Variants in RBM46 observed in about 807,000 individuals in gnomAD.
RBM46 encodes RNA binding motif protein 46.
A neutral mutation model predicts 43.3 loss-of-function variants in RBM46; 12 were observed. That is an observed-to-expected ratio of 0.28 (90% confidence interval 0.18 to 0.45). The LOEUF is 0.45. Among genes scored for constraint, RBM46 ranks in the 20% least tolerant of loss-of-function variants. The probability of loss-of-function intolerance (pLI) is 1.00; values close to 1 mark genes in which losing one functional copy is unlikely to be tolerated. For synonymous variants in RBM46, 205 were observed against 207.6 expected, an observed-to-expected ratio of 0.99 and a Z score of 0.11; for missense variants, 412 against 639.1, an observed-to-expected ratio of 0.64 and a Z score of 3.83.
intron 4 of RBM46, among the ~76,000 whole-genome samples, chr4:154,813,184 A>G (rs1485290733): frequency 6.6e-6 from 1 of 152,176 alleles, no homozygotes; most frequent in African/African-American, 2.4e-5. Context: ...GAGCAGAAAG[A>G]AGAAAGGATT....
intron 1 of RBM46, among the ~76,000 whole-genome samples, chr4:154,784,438 T>C (rs1733659110): frequency 6.6e-6 from 1 of 152,240 alleles, no homozygotes; most frequent in African/African-American, 2.4e-5. Flanking sequence ...AAAGGAGATA[T>C]AGTTAGCACT....
chr4:154,820,921 A>G (rs1735692159), intron 4 of RBM46, among the ~76,000 whole-genome samples: 2 of 151,778 alleles, frequency 1.3e-5, no homozygotes, highest in South Asian at 2.1e-4. Flanking sequence ...ATTACCTCAC[A>G]AAGTCTTTTT....
intron 4 of RBM46, among the ~76,000 whole-genome samples, chr4:154,803,337 T>C (rs1368703699): frequency 1.3e-5 from 2 of 152,038 alleles, no homozygotes; most frequent in Non-Finnish European, 2.9e-5. Context: ...TTAGAGACTA[T>C]CTTCATCTTC....
chr4:154,802,306 T>A (rs1734675230), intron 4 of RBM46, among the ~76,000 whole-genome samples: 1 of 152,146 alleles, frequency 6.6e-6, no homozygotes, highest in African/African-American at 2.4e-5. Flanking sequence ...GAAACTTTGA[T>A]CAGAAAACAA....
intron 4 of RBM46, among the ~76,000 whole-genome samples, chr4:154,819,891 T>C (rs1355289938): frequency 6.6e-6 from 1 of 152,058 alleles, no homozygotes; most frequent in Admixed American, 6.6e-5. Flanking sequence ...AAGATTTAAG[T>C]TTAGTATTAT....
intron 4 of RBM46, among the ~76,000 whole-genome samples, chr4:154,811,725 G>A (rs1420797780): frequency 6.7e-6 from 1 of 150,250 alleles, no homozygotes; most frequent in Admixed American, 6.7e-5. Context: ...GTGTCACCCA[G>A]GCTGGAGTGC....
chr4:154,802,854 C>G (rs1363673006), intron 4 of RBM46, among the ~76,000 whole-genome samples: 5 of 151,910 alleles, frequency 3.3e-5, no homozygotes, highest in African/African-American at 4.8e-5. Flanking sequence ...TGGGAATTAC[C>G]ATCCAATCTT....
In RBM46 at chr4:154,797,433, A is replaced by G. The variant is rs899696275; in HGVS notation, c.152-378A>G. 2.0e-5 allele frequency among the ~76,000 whole-genome samples: 3 copies of G among 152,192 alleles called. No individual in the cohort carries two copies. In the East Asian group the frequency reaches 5.8e-4, roughly 29 times the overall value. On this transcript the variant is annotated intron_variant, in intron 2 of 4. Transcript: ENST00000281722. ...TTTCTCACGTACATGTTAGCTGTAC[A>G]GGCTTCCATAATCTATGTTGCTCTG...
chr4:154,824,780 A>T (rs1164305847), intron 4 of RBM46, among the ~76,000 whole-genome samples: 3 of 152,108 alleles, frequency 2.0e-5, no homozygotes. Flanking sequence ...GAGAGAAAGA[A>T]GATAGACATA....
At chr4:154,801,374 T>G (rs2111145978) in intron 4 of RBM46, among the ~76,000 whole-genome samples, 1 of 152,328 alleles carries the variant, frequency 6.6e-6, no homozygotes, top group South Asian at 2.1e-4. Flanking sequence ...ATTTGGGGAT[T>G]TAGCATCATT....
At chr4:154,789,030 C>T (rs548824892) in intron 1 of RBM46, among the ~76,000 whole-genome samples, 2 of 152,088 alleles carry the variant, frequency 1.3e-5, no homozygotes, top group Admixed American at 1.3e-4. Context: ...GCTTTTGTAT[C>T]CTGAGACTTT....
At chr4:154,804,020 C>T (rs1346592011) in intron 4 of RBM46, among the ~76,000 whole-genome samples, 1 of 152,196 alleles carries the variant, frequency 6.6e-6, no homozygotes, top group African/African-American at 2.4e-5. Flanking sequence ...CTTGCTTTCG[C>T]TGTCTTGCTC....
chr4:154,806,083 CTT>C (rs1734893494), intron 4 of RBM46, among the ~76,000 whole-genome samples: 1 of 151,736 alleles, frequency 6.6e-6, no homozygotes, highest in African/African-American at 2.4e-5. Context: ...AACTATGTGT[CTT>C]TGACCCTCTG....
At chr4:154,781,552 G>C (rs896174660) in intron 1 of RBM46, 116 bp downstream of exon 1, 2 of 152,686 alleles carry the variant, frequency 1.3e-5, no homozygotes, top group African/African-American at 4.8e-5. Flanking sequence ...TGGCTGCGGG[G>C]TTCACCCTCG....
intron 3 of RBM46, 80 bp from the exon 4 acceptor site, chr4:154,798,702 T>C: frequency 1.8e-6 from 2 of 1,133,336 alleles, no homozygotes; most frequent in Non-Finnish European, 1.2e-6. Context: ...TCTGCTTCTC[T>C]GGGGAAACAG....
At chr4:154,826,902 A>G (rs1438258023) in intron 4 of RBM46, 47 of 1,395,444 alleles carry the variant, frequency 3.4e-5, no homozygotes, top group Non-Finnish European at 4.2e-5. Context: ...GGACAGTATT[A>G]TAGAAAAAAA....
intron 2 of RBM46, among the ~76,000 whole-genome samples, chr4:154,797,260 C>G (rs1189392549): frequency 6.6e-6 from 1 of 152,072 alleles, no homozygotes; most frequent in African/African-American, 2.4e-5. Context: ...AACTAGAAAA[C>G]CAAATGGAAA....
chr4:154,795,709 G>C (rs1734318139), intron 1 of RBM46, among the ~76,000 whole-genome samples: 1 of 152,104 alleles, frequency 6.6e-6, no homozygotes, highest in Non-Finnish European at 1.5e-5. Context: ...AAATTAAGCA[G>C]ATATATATTT....
intron 4 of RBM46, among the ~76,000 whole-genome samples, chr4:154,811,391 G>A (rs1474045572): frequency 6.6e-6 from 1 of 152,034 alleles, no homozygotes; most frequent in African/African-American, 2.4e-5. Context: ...TAGGAATGAT[G>A]ATAACAGTAT....
Sources: gnomAD v4.1 joint callset for allele counts (sites outside exome capture counted in the v4.1 genomes callset) on GRCh38, gnomAD v4.1.1 for gene constraint, MANE v1.5 for transcripts, NCBI Gene and HGNC (gene_info 2026-07-23, HGNC 2026-07-21) for gene names.